TOR4A: variants seen among roughly 807,000 people sequenced by gnomAD.
TOR4A encodes the protein torsin family 4 member A, also known as torsin-4A.
In TOR4A, 12 loss-of-function variants were observed where a neutral mutation model predicts 11.5. The observed-to-expected ratio is 1.04, with a 90% CI of 0.67 to 1.69. The LOEUF is 1.69. Among genes scored for constraint, TOR4A ranks in the 40% most tolerant of loss-of-function variants. The pLI, the probability that TOR4A is intolerant of heterozygous loss-of-function variation, is 0.00. For synonymous variants in TOR4A, 362 were observed against 307.4 expected, an observed-to-expected ratio of 1.18 and a Z score of -1.86; for missense variants, 640 against 643.2, an observed-to-expected ratio of 0.99 and a Z score of 0.05.
At chr9:137,278,539 G>T in intron 1 of TOR4A, 114 bp from the exon 2 acceptor site, 1 of 739,570 alleles carries the variant, frequency 1.4e-6, no homozygotes. Flanking sequence ...GGCAGCCCGG[G>T]CCGCACCCCA....
In TOR4A at chr9:137,280,342, C is replaced by T. The variant is rs1830700917; in HGVS notation, c.*381C>T. The T allele has an allele frequency of 3.7e-6, 1 of 270,394 alleles. No homozygotes were observed. Among genetic ancestry groups the T allele is most frequent in the African/African-American group, 2.2e-5 (1 of 45,648 alleles). 16.7% of individuals were successfully genotyped at this position (270,394 alleles called of 1,614,324 possible). A position where few individuals can be genotyped will look rare whatever the true frequency, so the allele number is the denominator to read the frequency against. On this transcript the variant is annotated 3_prime_UTR_variant, in exon 2 of 2. Coordinates refer to ENST00000357503, the MANE Select transcript of TOR4A (RefSeq NM_017723.3). ...GCCTCTTGGGGGTGGTCGCGTGTTG[C>T]TCAGTGCTGAAGTGGGGTTCTCATT...
chr9:137,279,673 T>C lies in TOR4A; in HGVS notation c.984T>C (p.Ser328=). Residue 328 remains serine, a synonymous_variant, in exon 2 of 2, where the codon AGT becomes AGC. Transcript: ENST00000357503. The stretch of plus-strand genomic sequence containing the variant: ...CCCTGCGCCCCGACGGCTTCCGCAG[T>C]GCCGAGGCCGCAGCGGCGCAGGCGG... ...ALPLRPDGFR[S]AEAAAAQAEE... 1 of 1,566,732 alleles carries C rather than the reference T, an allele frequency of 6.4e-7. No individual in the cohort carries two copies. Among genetic ancestry groups the C allele is most frequent in the Non-Finnish European group, 8.6e-7 (1 of 1,161,692 alleles).
Position 137,279,895 on chromosome 9 carries a change from C to G in TOR4A, c.1206C>G (p.Arg402=), listed in dbSNP as rs770646057. 7.0e-6 allele frequency: 11 copies of G among 1,578,250 alleles called. No individual in the cohort carries two copies. The African/African-American group carries it at 1.5e-4, about 21-fold the overall frequency. The change falls in exon 2 of 2, where the codon CGC becomes CGG. Residue 402 remains arginine, a synonymous_variant. Transcript: ENST00000357503. ...TGGCCGCGCAGCTCAGCTTCTACCG[C>G]GTGGCTGGCCGCGAGTTTGCCGTCA... is the stretch of plus-strand genomic sequence containing the variant. ...ENLAAQLSFY[R]VAGREFAVTG... is the part of the protein sequence containing the mutation.
Position 137,280,112 on chromosome 9 carries a change from C to A in TOR4A, c.*151C>A. 1.2e-6 allele frequency: 1 copy of A among 852,582 alleles called. No homozygotes were observed. The highest frequency in any genetic ancestry group is 1.8e-6 in the Non-Finnish European group (1 of 557,304). 52.8% of individuals were successfully genotyped at this position (852,582 alleles called of 1,614,324 possible). On this transcript the variant is annotated 3_prime_UTR_variant, in exon 2 of 2. Coordinates refer to ENST00000357503, the MANE Select transcript of TOR4A (RefSeq NM_017723.3). ...TCAGCTTGGAGCTCTGCTTCCAGGT[C>A]CACACCCGCCTCAGAGTCCGGAGTC...
chr9:137,278,565 G>T (rs991054495), intron 1 of TOR4A, 88 bp from the exon 2 acceptor site: 50 of 974,974 alleles, frequency 5.1e-5, no homozygotes, highest in Non-Finnish European at 6.5e-5. Context: ...CTCCCAGGGG[G>T]TAAGATCACT....
chr9:137,278,892 G>A lies in TOR4A; in HGVS notation c.203G>A (p.Arg68His). 6.4e-7 allele frequency: 1 copy of A among 1,554,924 alleles called. No individual in the cohort carries two copies. Among genetic ancestry groups the A allele is most frequent in the Non-Finnish European group, 8.6e-7 (1 of 1,157,786 alleles). ...CCGGGCTGCAGCCCCCGGGCACCGCGCGCGGACCTGGACCAGCCAAAGTTC... is the reference window on the plus strand; with the variant it reads ...CCGGGCTGCAGCCCCCGGGCACCGCACGCGGACCTGGACCAGCCAAAGTTC... ...PRPGCSPRAP[R>H]ADLDQPKFFT... Residue 68 changes from arginine (R) to histidine (H), a missense_variant, in exon 2 of 2, where the codon CGC (arginine) becomes CAC (histidine). Physicochemically the swap from Arg to His is conservative, Grantham distance 29. Transcript: ENST00000357503.
Position 137,279,449 on chromosome 9 carries a change from G to T in TOR4A, c.760G>T (p.Ala254Ser). 6.5e-7 allele frequency: 1 copy of T among 1,541,358 alleles called. No individual in the cohort carries two copies. Among genetic ancestry groups the T allele is most frequent in the Non-Finnish European group, 8.7e-7 (1 of 1,143,686 alleles). ...GCGCGTGGCCGACGTGGTGGCGCGGGCCGAAGCGGAGGAGAAGACCCCACT... is the reference window on the plus strand; with the variant it reads ...GCGCGTGGCCGACGTGGTGGCGCGGTCCGAAGCGGAGGAGAAGACCCCACT... ...ARRVADVVARAEAEEKTPLLV... is the reference protein window; with the variant it reads ...ARRVADVVARSEAEEKTPLLV... Residue 254 changes from alanine (A) to serine (S), a missense_variant, in exon 2 of 2, where the codon GCC (alanine) becomes TCC (serine). Ala to Ser is a moderately conservative substitution (Grantham distance 99). Coordinates refer to ENST00000357503, the MANE Select transcript of TOR4A (RefSeq NM_017723.3).
Position 137,278,953 on chromosome 9 carries a change from G to T in TOR4A, c.264G>T (p.Arg88Ser), listed in dbSNP as rs764565108. 6.2e-7 allele frequency: 1 copy of T among 1,603,866 alleles called. No homozygotes were observed. The highest frequency in any genetic ancestry group is 8.5e-7 in the Non-Finnish European group (1 of 1,177,986). ...ACAGCCCCGCGGAGCTACCCTCCAGGACGCCACGCAAGAAGCGCCGGCGCA... is the reference window on the plus strand; with the variant it reads ...ACAGCCCCGCGGAGCTACCCTCCAGTACGCCACGCAAGAAGCGCCGGCGCA... ...TFDSPAELPSRTPRKKRRRSR... is the reference protein window; with the variant it reads ...TFDSPAELPSSTPRKKRRRSR... Residue 88 changes from arginine (R) to serine (S), a missense_variant, in exon 2 of 2, where the codon AGG becomes AGT. By Grantham distance (110) the Arg-to-Ser change is moderately radical. Transcript: ENST00000357503.
At position 137,279,658 on chromosome 9, in the gene TOR4A, C is replaced by G. The variant is rs528018626; in HGVS notation, c.969C>G (p.Pro323=). ...CGTCCCGCGCGCTGCCCCTGCGCCCCGACGGCTTCCGCAGTGCCGAGGCCG... is the reference window on the plus strand; with the variant it reads ...CGTCCCGCGCGCTGCCCCTGCGCCCGGACGGCTTCCGCAGTGCCGAGGCCG... ...QNASRALPLR[P]DGFRSAEAAA... Residue 323 remains proline, a synonymous_variant, in exon 2 of 2, where the codon CCC becomes CCG. Coordinates refer to ENST00000357503, the MANE Select transcript of TOR4A (RefSeq NM_017723.3). 1.7e-4 allele frequency: 260 copies of G among 1,563,492 alleles called. 5 individuals are homozygous for G. The South Asian group carries it at 2.8e-3, about 17-fold the overall frequency.
rs1380953545 is a variant in TOR4A at position 137,277,832 on chromosome 9, C to G, written c.-113C>G. The G allele has an allele frequency of 6.6e-6, 1 of 152,284 alleles. No homozygotes were observed. Among genetic ancestry groups the G allele is most frequent in the African/African-American group, 2.4e-5 (1 of 41,470 alleles). 9.4% of individuals were successfully genotyped at this position (152,284 alleles called of 1,614,324 possible). A position where few individuals can be genotyped will look rare whatever the true frequency, so the allele number is the denominator to read the frequency against. On this transcript the variant is annotated 5_prime_UTR_variant, in exon 1 of 2. Coordinates refer to ENST00000357503, the MANE Select transcript of TOR4A (RefSeq NM_017723.3). ...CCCCCTCGCCCTGGGAGGCGCATTT[C>G]CTGCTTGGAGTCTCAGGCCCCAGCG...
At position 137,280,180 on chromosome 9, in the gene TOR4A, C is replaced by A; in HGVS notation, c.*219C>A. On this transcript the variant is annotated 3_prime_UTR_variant, in exon 2 of 2. Coordinates refer to ENST00000357503, the MANE Select transcript of TOR4A (RefSeq NM_017723.3). ...GGACAGCAGCCACCTCCCTCCCAAA[C>A]TTGCCCATTGCCCTGCTGGGCGTCC... The A allele has an allele frequency of 1.6e-6, 1 of 617,626 alleles. No individual in the cohort carries two copies. Among genetic ancestry groups the A allele is most frequent in the Non-Finnish European group, 2.9e-6 (1 of 346,528 alleles). The allele number at this position is 617,626 out of a possible 1,614,324, so 38.3% of individuals were successfully genotyped here.
chr9:137,278,707 C>A lies in TOR4A; in HGVS notation c.18C>A (p.Pro6=). Residue 6 remains proline (P), a synonymous_variant, in exon 2 of 2, where the codon CCC becomes CCA. Coordinates refer to ENST00000357503, the MANE Select transcript of TOR4A (RefSeq NM_017723.3). The part of the protein sequence containing the change: MDRGQ[P]SLEPAAAAPR... ...CCTGCGACATGGACCGCGGCCAGCC[C>A]AGCCTGGAGCCTGCTGCCGCGGCCC... 7.3e-7 allele frequency: 1 copy of A among 1,363,810 alleles called. No individual in the cohort carries two copies. Among genetic ancestry groups the A allele is most frequent in the South Asian group, 1.7e-5 (1 of 57,870 alleles). The allele number at this position is 1,363,810 out of a possible 1,614,324, so 84.5% of individuals were successfully genotyped here.
rs1328030154 is a variant in TOR4A at position 137,279,191 on chromosome 9, G to C, written c.502G>C (p.Val168Leu). The C allele has an allele frequency of 6.4e-7, 1 of 1,555,300 alleles. No homozygotes were observed. The change falls in exon 2 of 2, where the codon GTA becomes CTA. Residue 168 changes from valine to leucine, a missense_variant. By Grantham distance (32) the Val-to-Leu change is conservative. Transcript: ENST00000357503. Reference protein sequence around the residue: ...QRAVFGQPAAVSRIVALMRDY... With the variant: ...QRAVFGQPAALSRIVALMRDY... ...CGCGGTGTTCGGCCAGCCCGCTGCC[G>C]TATCGCGCATCGTGGCGCTGATGCG...
In TOR4A at chr9:137,278,868, CGG is replaced by C. The variant is rs779262944; in HGVS notation, c.181_182del (p.Gly61LeufsTer83). The C allele has an allele frequency of 6.5e-7, 1 of 1,533,760 alleles. No homozygotes were observed. The highest frequency in any genetic ancestry group is 1.2e-5 in the South Asian group (1 of 84,010). On this transcript the variant is annotated frameshift_variant, in exon 2 of 2. Transcript: ENST00000357503. LOFTEE classifies it high-confidence loss of function. Reference sequence around the variant, plus strand: ...GACGTCGGGACCGGGGCGCCCAGGCCGGGCTGCAGCCCCCGGGCACCGCGCGC... The same window carrying C: ...GACGTCGGGACCGGGGCGCCCAGGCCGCTGCAGCCCCCGGGCACCGCGCGC...
chr9:137,279,157 G>A lies in TOR4A; in HGVS notation c.468G>A (p.Ala156=), dbSNP rs1439124313. ...ATGACCTCGACGGGCTGGAGAAAGC[G>A]CTGCAGCGCGCGGTGTTCGGCCAGC... is the stretch of plus-strand genomic sequence containing the variant. The part of the protein sequence containing the change: ...QRYDLDGLEK[A]LQRAVFGQPA... The change falls in exon 2 of 2, where the codon GCG becomes GCA. Residue 156 remains alanine (A), a synonymous_variant. Coordinates refer to ENST00000357503, the MANE Select transcript of TOR4A (RefSeq NM_017723.3). 7 of 1,567,588 alleles carry A rather than the reference G, an allele frequency of 4.5e-6. No individual in the cohort carries two copies. The highest frequency in any genetic ancestry group is 6.1e-6 in the Non-Finnish European group (7 of 1,156,814).
chr9:137,279,381 C>G lies in TOR4A; in HGVS notation c.692C>G (p.Pro231Arg). The change falls in exon 2 of 2, where the codon CCC (proline) becomes CGC (arginine). Residue 231 changes from proline to arginine, a missense_variant. Physicochemically the swap from Pro to Arg is moderately radical, Grantham distance 103. Coordinates refer to ENST00000357503, the MANE Select transcript of TOR4A (RefSeq NM_017723.3). ...VLQYHARHHC[P>R]EARAAQDCRE... ...CAATACCATGCGCGGCACCACTGCC[C>G]CGAGGCGCGCGCCGCACAGGACTGC... The G allele has an allele frequency of 6.6e-7, 1 of 1,520,750 alleles. No homozygotes were observed. The highest frequency in any genetic ancestry group is 8.8e-7 in the Non-Finnish European group (1 of 1,136,482). 94.2% of individuals were successfully genotyped at this position (1,520,750 alleles called of 1,614,324 possible).
intron 1 of TOR4A, among the ~76,000 whole-genome samples, chr9:137,278,383 C>T (rs1458129691): frequency 6.6e-6 from 1 of 152,194 alleles, no homozygotes; most frequent in East Asian, 1.9e-4. Flanking sequence ...AGCCTCTACC[C>T]CGCCACTTCC....
At position 137,279,048 on chromosome 9, in the gene TOR4A, A is replaced by AG; in HGVS notation, c.360dup (p.Arg121AlafsTer24). On this transcript the variant is annotated frameshift_variant, in exon 2 of 2. Coordinates refer to ENST00000357503, the MANE Select transcript of TOR4A (RefSeq NM_017723.3). LOFTEE classifies it high-confidence loss of function. The stretch of plus-strand genomic sequence containing the variant: ...CGCGTGGAGCACAGGAGCCGCGCGC[A>AG]GCGCTGCCTTCTGCTGCTAGTCGCC... 1 of 1,604,454 alleles carries AG rather than the reference A, an allele frequency of 6.2e-7. No individual in the cohort carries two copies. The highest frequency in any genetic ancestry group is 8.5e-7 in the Non-Finnish European group (1 of 1,176,038).
At position 137,279,504 on chromosome 9, in the gene TOR4A, C is replaced by G; in HGVS notation, c.815C>G (p.Pro272Arg). 6.3e-7 allele frequency: 1 copy of G among 1,576,570 alleles called. No individual in the cohort carries two copies. Among genetic ancestry groups the G allele is most frequent in the Non-Finnish European group, 8.6e-7 (1 of 1,163,770 alleles). ...LLVLDDVELMPRPLLDELHGF... is the reference protein window; with the variant it reads ...LLVLDDVELMRRPLLDELHGF... ...GTGCTGGACGACGTGGAGCTCATGC[C>G]GCGGCCGCTGCTGGACGAGCTGCAC... is the stretch of plus-strand genomic sequence containing the variant. Residue 272 changes from proline (P) to arginine (R), a missense_variant, in exon 2 of 2, where the codon CCG becomes CGG. Pro to Arg is a moderately radical substitution (Grantham distance 103). Coordinates refer to ENST00000357503, the MANE Select transcript of TOR4A (RefSeq NM_017723.3).
Sources: gnomAD v4.1 joint callset for allele counts (sites outside exome capture counted in the v4.1 genomes callset) on GRCh38, gnomAD v4.1.1 for gene constraint, MANE v1.5 for transcripts, NCBI Gene and HGNC (gene_info 2026-07-23, HGNC 2026-07-21) for gene names.